GSDME: variants seen among roughly 807,000 people sequenced by gnomAD.
GSDME encodes the protein gasdermin E.
In GSDME, 44 loss-of-function variants were observed where a neutral mutation model predicts 47.5. That is an observed-to-expected ratio of 0.93 (90% CI 0.73 to 1.19). GSDME has a LOEUF of 1.19. Among genes scored for constraint, GSDME ranks in the 50% most tolerant of loss-of-function variants. The pLI is 0.00. For synonymous variants in GSDME, 258 were observed against 252.8 expected, an observed-to-expected ratio of 1.02 and a Z score of -0.20; for missense variants, 663 against 604.2, an observed-to-expected ratio of 1.10 and a Z score of -1.02.
In GSDME at chr7:24,707,462, T is replaced by C. The variant is rs75118447; in HGVS notation, c.990+665A>G. ...AACAGTGCAAAAGCCTATTTATTTCTCTGTTCTAAATGGAACAGGCTGACT... is the reference window on the plus strand; with the variant it reads ...AACAGTGCAAAAGCCTATTTATTTCCCTGTTCTAAATGGAACAGGCTGACT... On this transcript the variant is annotated intron_variant, in intron 7 of 9. Transcript: ENST00000645220. 7.1e-3 allele frequency: 3,345 copies of C among 471,296 alleles called. 103 individuals carry two copies. The highest frequency in any genetic ancestry group is 0.061 in the African/African-American group (3,057 of 50,158). 29.2% of individuals were successfully genotyped at this position (471,296 alleles called of 1,614,324 possible).
At position 24,757,003 on chromosome 7, in the gene GSDME, G is replaced by T. The variant is rs541996956; in HGVS notation, c.-20+393C>A. On this transcript the variant is annotated intron_variant, in intron 1 of 9. Transcript: ENST00000645220. The surrounding 1 kb of genome is among the most constrained non-coding windows in gnomAD (Gnocchi z 5.9). ...TCCGCAGCACCCAGAGAAGAGACCG[G>T]AACACAAAGGATGAACGAATGGGGA... 3.1e-3 allele frequency among the ~76,000 whole-genome samples: 456 copies of T among 148,208 alleles called. 4 individuals are homozygous for T. The highest frequency in any genetic ancestry group is 0.011 in the African/African-American group (437 of 40,790).
At chr7:24,699,330 T>A in intron 9 of GSDME, 71 bp from the exon 10 acceptor site, 1 of 1,178,798 alleles carries the variant, frequency 8.5e-7, no homozygotes, top group Non-Finnish European at 1.3e-6. Context: ...AGTAATGCAC[T>A]TGTAGGTAAT....
In GSDME at chr7:24,744,485, T is replaced by C; in HGVS notation, c.404+77A>G. 6.6e-7 allele frequency: 1 copy of C among 1,507,988 alleles called. No individual in the cohort carries two copies. Among genetic ancestry groups the C allele is most frequent in the Middle Eastern group, 1.7e-4 (1 of 5,880 alleles). The allele number at this position is 1,507,988 out of a possible 1,614,324, so 93.4% of individuals were successfully genotyped here. A position where few individuals can be genotyped will look rare whatever the true frequency, so the allele number is the denominator to read the frequency against. On this transcript the variant is annotated intron_variant, in intron 3 of 9. Coordinates refer to ENST00000645220, the MANE Select transcript of GSDME (RefSeq NM_001127453.2). The surrounding 1 kb of genome is among the most constrained non-coding windows in gnomAD (Gnocchi z 4.5). ...TCGGCAGAGATCAAATCTGTCGCCCTTTTAACAAAGGTCCAACTGAATGAC... is the reference window on the plus strand; with the variant it reads ...TCGGCAGAGATCAAATCTGTCGCCCCTTTAACAAAGGTCCAACTGAATGAC...
At chr7:24,766,214 T>TGTGTGCGC in the GSDME span, among the ~76,000 whole-genome samples, 875 of 151,384 alleles carry the variant, frequency 5.8e-3, 8 homozygotes, top group South Asian at 0.021. This position sits in a 1 kb window ranked among gnomAD's most constrained non-coding sequence, Gnocchi z 4.2. Flanking sequence ...TGTGTGTGTG[T>TGTGTGCGC]GCATGTTTGC....
rs757357039 is a variant in GSDME, at chr7:24,717,313, G to A, written c.638C>T (p.Ala213Val). ...KDSNVVLEIPAATTIAYGVIE... is the reference protein window; with the variant it reads ...KDSNVVLEIPVATTIAYGVIE... Reference sequence around the variant, plus strand: ...GACACCGTAGGCAATGGTGGTGGCAGCTGGGATCTCCAGCACCACGTTGGA... The same window carrying A: ...GACACCGTAGGCAATGGTGGTGGCAACTGGGATCTCCAGCACCACGTTGGA... Residue 213 changes from alanine to valine, a missense_variant, in exon 5 of 10, where the codon GCT becomes GTT. Coordinates refer to ENST00000645220, the MANE Select transcript of GSDME (RefSeq NM_001127453.2). The A allele has an allele frequency of 7.5e-6, 12 of 1,610,014 alleles. No homozygotes were observed. Among genetic ancestry groups the A allele is most frequent in the Non-Finnish European group, 1.0e-5 (12 of 1,178,512 alleles).
rs553840301 is a variant in GSDME at position 24,721,833 on chromosome 7, C to G, written c.405-2615G>C. ...AGGCCCCATGTGATCTGCCCTGCCC[C>G]CTGTTGACTTTATCTTCCAGCCTTC... is the stretch of plus-strand genomic sequence containing the variant. On this transcript the variant is annotated intron_variant, in intron 3 of 9. Transcript: ENST00000645220. This position sits in a 1 kb window ranked among gnomAD's most constrained non-coding sequence, Gnocchi z 4.1. 9.8e-5 allele frequency among the ~76,000 whole-genome samples: 15 copies of G among 152,318 alleles called. No homozygotes were observed. The highest frequency in any genetic ancestry group is 1.8e-4 in the Non-Finnish European group (12 of 68,028).
intron 6 of GSDME, among the ~76,000 whole-genome samples, chr7:24,708,688 TGTA>T (rs1323988660): frequency 2.0e-5 from 3 of 152,344 alleles, no homozygotes; most frequent in African/African-American, 4.8e-5. Context: ...CGTCCTTTCT[TGTA>T]GTACATTGCA....
chr7:24,750,832 A>G (rs1274250228), intron 1 of GSDME, among the ~76,000 whole-genome samples: 1 of 152,250 alleles, frequency 6.6e-6, no homozygotes, highest in East Asian at 1.9e-4. Flanking sequence ...GAAGAGATAC[A>G]TTGGAAGATA....
At chr7:24,701,873 T>C (rs1253720380) in intron 9 of GSDME, among the ~76,000 whole-genome samples, 2 of 152,240 alleles carry the variant, frequency 1.3e-5, no homozygotes, top group African/African-American at 2.4e-5. Flanking sequence ...ATGTCTTTGC[T>C]ATGCACAAAG....
chr7:24,736,268 G>A lies in GSDME; in HGVS notation c.404+8294C>T, dbSNP rs181347994. The stretch of plus-strand genomic sequence containing the variant: ...ACAAAAAAAGACCAAATGATCTGTT[G>A]CCTACAAGAAACACCCTTCACCTAT... On this transcript the variant is annotated intron_variant, in intron 3 of 9. Coordinates refer to ENST00000645220, the MANE Select transcript of GSDME (RefSeq NM_001127453.2). The surrounding 1 kb of genome is among the most constrained non-coding windows in gnomAD (Gnocchi z 4.6). Among the ~76,000 whole-genome samples the A allele has an allele frequency of 2.6e-5, 4 of 152,198 alleles. No individual in the cohort carries two copies. The highest frequency in any genetic ancestry group is 9.6e-5 in the African/African-American group (4 of 41,538).
Position 24,754,225 on chromosome 7 carries a change from G to A in GSDME, c.-20+3171C>T, listed in dbSNP as rs1407765771. ...TTAGCAGCCGGGCCTGGTGGCTCAT[G>A]CCTGTAATCCCAGCACTTTGGGAGG... is the stretch of plus-strand genomic sequence containing the variant. On this transcript the variant is annotated intron_variant, in intron 1 of 9. Coordinates refer to ENST00000645220, the MANE Select transcript of GSDME (RefSeq NM_001127453.2). The surrounding 1 kb of genome is among the most constrained non-coding windows in gnomAD (Gnocchi z 5.0). Among the ~76,000 whole-genome samples the A allele has an allele frequency of 6.6e-6, 1 of 152,186 alleles. No homozygotes were observed. The highest frequency in any genetic ancestry group is 1.9e-4 in the East Asian group (1 of 5,198).
In GSDME at chr7:24,703,007, C is replaced by T. The variant is rs1788937756; in HGVS notation, c.1184-174G>A. On this transcript the variant is annotated intron_variant, in intron 8 of 9. Transcript: ENST00000645220. ...ATGGTGCTAAATGGGCAGCAAAGAC[C>T]TTGTAGAAAACAGATGTAGGAACCC... 12 of 585,694 alleles carry T rather than the reference C, an allele frequency of 2.0e-5. No individual in the cohort carries two copies. In the Admixed American group the frequency reaches 2.6e-4, roughly 13 times the overall value. The allele number at this position is 585,694 out of a possible 1,614,324, so 36.3% of individuals were successfully genotyped here. A position where few individuals can be genotyped will look rare whatever the true frequency, so the allele number is the denominator to read the frequency against.
At chr7:24,740,961 C>G (rs1335753134) in intron 3 of GSDME, among the ~76,000 whole-genome samples, 1 of 152,140 alleles carries the variant, frequency 6.6e-6, no homozygotes, top group Non-Finnish European at 1.5e-5. Flanking sequence ...TGGAAAACAG[C>G]CGGGACCGCG....
At chr7:24,772,826 G>A in the GSDME span, among the ~76,000 whole-genome samples, 6,896 of 152,156 alleles carry the variant, frequency 0.045, 345 homozygotes, top group East Asian at 0.12. This position sits in a 1 kb window ranked among gnomAD's most constrained non-coding sequence, Gnocchi z 4.5. Flanking sequence ...CTGGTTGCCC[G>A]GTTGCCTCTT....
the GSDME span, among the ~76,000 whole-genome samples, chr7:24,789,182 A>G: frequency 6.6e-6 from 1 of 152,194 alleles, no homozygotes. Flanking sequence ...GACACAACTC[A>G]GGTATGGGAA....
intron 3 of GSDME, among the ~76,000 whole-genome samples, chr7:24,720,247 G>A (rs1789727787): frequency 6.6e-6 from 1 of 152,198 alleles, no homozygotes; most frequent in Non-Finnish European, 1.5e-5. Flanking sequence ...AGAAGCAAAT[G>A]ATGAAATAAC....
intron 7 of GSDME, chr7:24,707,408 C>T: frequency 2.1e-6 from 1 of 471,654 alleles, no homozygotes; most frequent in South Asian, 1.5e-5. Flanking sequence ...AACTTGACCT[C>T]CCCAGGATAT....
chr7:24,708,285 G>T, intron 6 of GSDME, 31 bp from the exon 7 acceptor site: 1 of 1,613,450 alleles, frequency 6.2e-7, no homozygotes, highest in South Asian at 1.1e-5. Flanking sequence ...CAAGTCTCAT[G>T]ACTGCGATGC....
intron 7 of GSDME, chr7:24,707,359 T>G: frequency 2.1e-6 from 1 of 471,406 alleles, no homozygotes; most frequent in Non-Finnish European, 4.4e-6. Context: ...GGTTGGCAGC[T>G]TGTGTGGCTC....
Sources: gnomAD v4.1 joint callset for allele counts (sites outside exome capture counted in the v4.1 genomes callset) on GRCh38, gnomAD v4.1.1 for gene constraint, Gnocchi (gnomAD v3.1) non-coding constraint, MANE v1.5 for transcripts, NCBI Gene and HGNC (gene_info 2026-07-23, HGNC 2026-07-21) for gene names.